The following CACNA2D3 variants were observed in gnomAD, a reference collection of about 807,000 sequenced individuals.
The protein encoded by CACNA2D3 is calcium voltage-gated channel auxiliary subunit alpha2delta 3, also known as voltage-dependent calcium channel subunit alpha-2/delta-3.
A neutral mutation model predicts 160.6 loss-of-function variants in CACNA2D3; 60 were observed. The observed-to-expected ratio is 0.37, with a 90% CI of 0.30 to 0.46. The LOEUF (loss-of-function observed/expected upper bound fraction) is 0.46. Among genes scored for constraint, CACNA2D3 ranks in the 20% least tolerant of loss-of-function variants. The pLI is 1.00. For synonymous variants in CACNA2D3, 558 were observed against 492.9 expected (o/e 1.13, Z -1.75); for missense variants, 1,205 against 1,365.0 (o/e 0.88, Z 1.85).
rs567511362 is a variant in CACNA2D3, at chr3:54,710,068, C to T, written c.1168-42531C>T. 1.3e-4 allele frequency among the ~76,000 whole-genome samples: 20 copies of T among 152,292 alleles called. No homozygotes were observed. In the South Asian group the frequency reaches 2.9e-3, roughly 22 times the overall value. ...ATCAGAGAATCGACTCATTCATTTG[C>T]TAAATATTCATTTGTTCATGCATTG... On this transcript the variant is annotated intron_variant, in intron 11 of 37. Coordinates refer to ENST00000474759, the MANE Select transcript of CACNA2D3 (RefSeq NM_018398.3).
chr3:54,472,705 A>T (rs569772072), intron 4 of CACNA2D3, among the ~76,000 whole-genome samples: 2 of 152,360 alleles, frequency 1.3e-5, no homozygotes, highest in Non-Finnish European at 2.9e-5. Context: ...ATACAAAATC[A>T]ATGTGCAAAA....
chr3:54,872,958 C>G (rs1699573449), intron 18 of CACNA2D3, among the ~76,000 whole-genome samples: 1 of 152,046 alleles, frequency 6.6e-6, no homozygotes, highest in South Asian at 2.1e-4. Flanking sequence ...CCCACCCTGG[C>G]TTAGCGCAAT....
At chr3:54,775,848 C>T (rs930347823) in intron 13 of CACNA2D3, among the ~76,000 whole-genome samples, 1 of 152,110 alleles carries the variant, frequency 6.6e-6, no homozygotes, top group African/African-American at 2.4e-5. Context: ...AGGGGCAGCC[C>T]CAGGAGGGAT....
At chr3:54,704,613 T>C (rs888171545) in intron 11 of CACNA2D3, among the ~76,000 whole-genome samples, 12 of 152,124 alleles carry the variant, frequency 7.9e-5, no homozygotes, top group South Asian at 2.1e-4. Flanking sequence ...CACTCAGACG[T>C]TGGTGATAGG....
intron 4 of CACNA2D3, among the ~76,000 whole-genome samples, chr3:54,423,786 A>G (rs1261121078): frequency 6.6e-6 from 1 of 152,142 alleles, no homozygotes; most frequent in African/African-American, 2.4e-5. Flanking sequence ...AGCGTTAGGA[A>G]CTAGGCCCAC....
chr3:54,464,225 A>G (rs1028232255), intron 4 of CACNA2D3, among the ~76,000 whole-genome samples: 26 of 152,212 alleles, frequency 1.7e-4, no homozygotes, highest in African/African-American at 6.3e-4. Flanking sequence ...GTCAGGGGTC[A>G]GGGACCCACT....
At position 54,723,433 on chromosome 3, in the gene CACNA2D3, T is replaced by C. The variant is rs984401535; in HGVS notation, c.1168-29166T>C. Among the ~76,000 whole-genome samples the C allele has an allele frequency of 2.0e-5, 3 of 152,184 alleles. No individual in the cohort carries two copies. In the East Asian group the frequency reaches 5.8e-4, roughly 29 times the overall value. ...GTCTTGCTGGCATTCCAGGCGCCAC[T>C]GGGGTATGGAAAAAACTCCTACAGC... is the stretch of plus-strand genomic sequence containing the variant. On this transcript the variant is annotated intron_variant, in intron 11 of 37. Coordinates refer to ENST00000474759, the MANE Select transcript of CACNA2D3 (RefSeq NM_018398.3).
chr3:54,809,307 C>CTTTTTTTTTTTT (rs1417063441), intron 13 of CACNA2D3, among the ~76,000 whole-genome samples: 9 of 86,248 alleles, frequency 1.0e-4, no homozygotes, highest in Middle Eastern at 5.0e-3. Flanking sequence ...TTCCTTCCTT[C>CTTTTTTTTTTTT]TTTCTTTTTT....
intron 11 of CACNA2D3, among the ~76,000 whole-genome samples, chr3:54,693,798 A>T (rs1328164819): frequency 6.6e-6 from 1 of 152,170 alleles, no homozygotes; most frequent in Non-Finnish European, 1.5e-5. Context: ...AAAGTAAAAT[A>T]AAAAAATTAA....
intron 24 of CACNA2D3, among the ~76,000 whole-genome samples, chr3:54,889,753 A>G (rs989073066): frequency 6.6e-6 from 1 of 152,160 alleles, no homozygotes; most frequent in African/African-American, 2.4e-5. Context: ...GCTTGCCTTC[A>G]TGGCATGGAT....
chr3:54,310,573 G>A (rs1703716279), intron 2 of CACNA2D3, among the ~76,000 whole-genome samples: 1 of 151,952 alleles, frequency 6.6e-6, no homozygotes, highest in African/African-American at 2.4e-5. Flanking sequence ...AATTATTATT[G>A]AAGAGTCCTT....
At chr3:54,338,135 G>A (rs1421804493) in intron 3 of CACNA2D3, among the ~76,000 whole-genome samples, 2 of 152,252 alleles carry the variant, frequency 1.3e-5, no homozygotes, top group Admixed American at 1.3e-4. Context: ...TTGTCATCCA[G>A]TGATGATTCT....
intron 2 of CACNA2D3, among the ~76,000 whole-genome samples, chr3:54,166,813 A>G (rs1336989292): frequency 6.6e-6 from 1 of 152,186 alleles, no homozygotes; most frequent in African/African-American, 2.4e-5. Context: ...TGATGTGGAG[A>G]GAGGAAGATT....
chr3:54,313,878 G>T (rs1295295171), intron 2 of CACNA2D3, among the ~76,000 whole-genome samples: 2 of 151,804 alleles, frequency 1.3e-5, no homozygotes, highest in African/African-American at 4.8e-5. Context: ...GGCAAAGAAA[G>T]CAAGCTTTCT....
At chr3:54,549,614 C>T (rs1473124069) in intron 5 of CACNA2D3, among the ~76,000 whole-genome samples, 1 of 152,214 alleles carries the variant, frequency 6.6e-6, no homozygotes, top group Non-Finnish European at 1.5e-5. Flanking sequence ...CATTCCTTTC[C>T]CACAGCCCTC....
rs954735614 is a variant in CACNA2D3 at position 54,331,952 on chromosome 3, C to A, written c.321+11394C>A. On this transcript the variant is annotated intron_variant, in intron 3 of 37. Transcript: ENST00000474759. ...CTCCCTCCCTCAATCTACCCTGGTC[C>A]CCAGCATAACTTTCCTGTAGCATGG... is the stretch of plus-strand genomic sequence containing the variant. Among the ~76,000 whole-genome samples, 4 of 152,158 alleles carry A rather than the reference C, an allele frequency of 2.6e-5. No homozygotes were observed. The East Asian group carries it at 5.8e-4, about 22-fold the overall frequency.
intron 31 of CACNA2D3, among the ~76,000 whole-genome samples, chr3:54,989,905 A>G (rs1173083350): frequency 2.6e-5 from 4 of 152,194 alleles, no homozygotes; most frequent in Non-Finnish European, 4.4e-5. Context: ...TTGCAATCAC[A>G]CATTTGTGCC....
intron 2 of CACNA2D3, among the ~76,000 whole-genome samples, chr3:54,273,809 A>T (rs1407595327): frequency 6.6e-6 from 1 of 152,144 alleles, no homozygotes; most frequent in Non-Finnish European, 1.5e-5. Context: ...GCTTTAAGCT[A>T]TTCTGGTAAG....
intron 3 of CACNA2D3, among the ~76,000 whole-genome samples, chr3:54,323,864 C>T (rs1026652248): frequency 2.0e-5 from 3 of 152,130 alleles, no homozygotes; most frequent in East Asian, 1.9e-4. Flanking sequence ...CATTTCCAAG[C>T]CCCCATCCCC....
Sources: allele counts gnomAD v4.1 joint callset (sites outside exome capture counted in the v4.1 genomes callset), GRCh38; gene constraint gnomAD v4.1.1; transcripts MANE v1.5; gene names NCBI Gene and HGNC (gene_info 2026-07-23, HGNC 2026-07-21).